The following DENND4B variants were observed in gnomAD, a reference collection of about 807,000 sequenced individuals.
The protein encoded by DENND4B is DENN domain containing 4B.
In DENND4B, 67 loss-of-function variants were observed where a neutral mutation model predicts 161.0. The observed-to-expected ratio is 0.42, with a 90% confidence interval of 0.34 to 0.51. The LOEUF is 0.51. DENND4B is among the 20% of genes least tolerant of loss of function. The probability of loss-of-function intolerance (pLI) is 0.08; values close to 1 mark genes in which losing one functional copy is unlikely to be tolerated. For missense variants in DENND4B, 1,481 were observed against 1,968.0 expected (o/e 0.75, Z 4.68); for synonymous variants, 753 against 813.8 (o/e 0.93, Z 1.27).
intron 13 of DENND4B, among the ~76,000 whole-genome samples, chr1:153,938,420 A>AC (rs1482995717): frequency 6.9e-6 from 1 of 144,218 alleles, no homozygotes; most frequent in Non-Finnish European, 1.5e-5. Context: ...AAAAAAAAAA[A>AC]AGCCAGGCGC....
intron 8 of DENND4B, 76 bp downstream of exon 8, chr1:153,941,155 C>G (rs2102059702): frequency 1.3e-6 from 2 of 1,587,830 alleles, no homozygotes; most frequent in East Asian, 4.6e-5. Flanking sequence ...TAAACCTCAA[C>G]AGCTGCACCC....
At chr1:153,945,249 T>TG (rs1679896419) in intron 1 of DENND4B, 3 of 1,096,446 alleles carry the variant, frequency 2.7e-6, no homozygotes, top group African/African-American at 1.6e-5. Context: ...CCCAGAAGCG[T>TG]GGGGGGTGCT....
chr1:153,944,366 C>T lies in DENND4B; in HGVS notation c.9G>A (p.Glu3=). The T allele has an allele frequency of 1.2e-6, 2 of 1,605,814 alleles. No homozygotes were observed. The highest frequency in any genetic ancestry group is 1.1e-5 in the South Asian group (1 of 90,022). The stretch of plus-strand genomic sequence containing the variant: ...AATCCACCAGCCGGGGGGGCCGCTC[C>T]TCCGCCATGGCCCCCCCCTCACTCA... MA[E]ERPPRLVDYF... is the part of the protein sequence containing the mutation. The change falls in exon 2 of 28, where the codon GAG becomes GAA. Residue 3 remains glutamate (E), a synonymous_variant. Transcript: ENST00000361217. The surrounding 1 kb of genome is among the most constrained non-coding windows in gnomAD (Gnocchi z 4.8).
In DENND4B at chr1:153,932,938, G is replaced by A; in HGVS notation, c.3546C>T (p.Asn1182=). The part of the protein sequence containing the change: ...IMAGWAPDDS[N]LNTTCPFCAC... Reference sequence around the variant, plus strand: ...CGCAGAAGGGGCAGGTTGTGTTGAGGTTAGAGTCATCAGGTGCCCAGCCAG... The same window carrying A: ...CGCAGAAGGGGCAGGTTGTGTTGAGATTAGAGTCATCAGGTGCCCAGCCAG... The change falls in exon 22 of 28, where the codon AAC becomes AAT. Residue 1182 remains asparagine, a synonymous_variant. Transcript: ENST00000361217. The surrounding 1 kb of genome is among the most constrained non-coding windows in gnomAD (Gnocchi z 5.8). The A allele has an allele frequency of 6.2e-7, 1 of 1,614,006 alleles. No individual in the cohort carries two copies. Among genetic ancestry groups the A allele is most frequent in the Non-Finnish European group, 8.5e-7 (1 of 1,179,892 alleles).
rs1679398787 is a variant in DENND4B at position 153,937,269 on chromosome 1, G to A, written c.2232+219C>T. Among the ~76,000 whole-genome samples the A allele has an allele frequency of 6.6e-6, 1 of 152,244 alleles. No homozygotes were observed. Among genetic ancestry groups the A allele is most frequent in the Non-Finnish European group, 1.5e-5 (1 of 68,042 alleles). Reference sequence around the variant, plus strand: ...GACATGGCCAGCCCCTGGATTCCCAGAGTGCTCAGAAGACGGAGGTGATGA... The same window carrying A: ...GACATGGCCAGCCCCTGGATTCCCAAAGTGCTCAGAAGACGGAGGTGATGA... On this transcript the variant is annotated intron_variant, in intron 15 of 27. Transcript: ENST00000361217. The surrounding 1 kb of genome is among the most constrained non-coding windows in gnomAD (Gnocchi z 4.7).
chr1:153,933,391 C>T lies in DENND4B; in HGVS notation c.3331-72G>A, dbSNP rs1679089899. ...ACCCAGGATATGTGTTTCAAGCACC[C>T]CTCAGAGCCCCCTTTTTGAGCATTC... On this transcript the variant is annotated intron_variant, in intron 20 of 27. Coordinates refer to ENST00000361217, the MANE Select transcript of DENND4B (RefSeq NM_014856.3). This position sits in a 1 kb window ranked among gnomAD's most constrained non-coding sequence, Gnocchi z 5.7. The T allele has an allele frequency of 6.2e-7, 1 of 1,608,220 alleles. No homozygotes were observed. Among genetic ancestry groups the T allele is most frequent in the African/African-American group, 1.3e-5 (1 of 74,736 alleles).
Position 153,930,225 on chromosome 1 carries a change from G to A in DENND4B, c.*72C>T. The stretch of plus-strand genomic sequence containing the variant: ...TTCCCAACTCCATGAAGGCAACAGG[G>A]AAGCAGTTTAACTCTAGAATCCCTT... On this transcript the variant is annotated 3_prime_UTR_variant, in exon 28 of 28. Coordinates refer to ENST00000361217, the MANE Select transcript of DENND4B (RefSeq NM_014856.3). This position sits in a 1 kb window ranked among gnomAD's most constrained non-coding sequence, Gnocchi z 4.7. The A allele has an allele frequency of 6.5e-7, 1 of 1,532,162 alleles. No homozygotes were observed. Among genetic ancestry groups the A allele is most frequent in the Non-Finnish European group, 8.8e-7 (1 of 1,134,642 alleles). 94.9% of individuals were successfully genotyped at this position (1,532,162 alleles called of 1,614,324 possible).
In DENND4B at chr1:153,930,445, A is replaced by G. The variant is rs1327176650; in HGVS notation, c.4346-3T>C. Reference sequence around the variant, plus strand: ...CTTGTACTTCTTATCGAAGGCCACTAGGGAAGAAGGTGGAAGTCAACATGT... The same window carrying G: ...CTTGTACTTCTTATCGAAGGCCACTGGGGAAGAAGGTGGAAGTCAACATGT... On this transcript the variant is annotated splice_region_variant and splice_polypyrimidine_tract_variant and intron_variant, in intron 27 of 27. Transcript: ENST00000361217. The surrounding 1 kb of genome is among the most constrained non-coding windows in gnomAD (Gnocchi z 4.7). 6.2e-7 allele frequency: 1 copy of G among 1,613,896 alleles called. No individual in the cohort carries two copies. Among genetic ancestry groups the G allele is most frequent in the East Asian group, 2.2e-5 (1 of 44,872 alleles).
Position 153,942,715 on chromosome 1 carries a change from T to C in DENND4B, c.571-90A>G, listed in dbSNP as rs1025424986. ...CTCTCTACCACCCCTAAATGTTCTT[T>C]TGTCTTTAAAGCTCCCATTAATCCC... On this transcript the variant is annotated intron_variant, in intron 3 of 27. Coordinates refer to ENST00000361217, the MANE Select transcript of DENND4B (RefSeq NM_014856.3). This position sits in a 1 kb window ranked among gnomAD's most constrained non-coding sequence, Gnocchi z 6.9. 1.8e-5 allele frequency: 27 copies of C among 1,482,066 alleles called. No homozygotes were observed. The highest frequency in any genetic ancestry group is 2.3e-5 in the Non-Finnish European group (26 of 1,114,040). The allele number at this position is 1,482,066 out of a possible 1,614,324, so 91.8% of individuals were successfully genotyped here. A position where few individuals can be genotyped will look rare whatever the true frequency, so the allele number is the denominator to read the frequency against.
At chr1:153,931,932 T>C (rs2102004152) in intron 24 of DENND4B, among the ~76,000 whole-genome samples, 1 of 151,770 alleles carries the variant, frequency 6.6e-6, no homozygotes, top group South Asian at 2.1e-4. Flanking sequence ...GCCTCCCGAG[T>C]AGCTGGGATT....
chr1:153,941,935 A>T lies in DENND4B; in HGVS notation c.989T>A (p.Phe330Tyr). Residue 330 changes from phenylalanine (F) to tyrosine (Y), a missense_variant, in exon 6 of 28, where the codon TTC (phenylalanine) becomes TAC (tyrosine). By Grantham distance (22) the Phe-to-Tyr change is conservative. Transcript: ENST00000361217. The part of the protein sequence containing the change: ...VLSRWPAFPA[F>Y]RAFLTFLYRY... ...GTAAAGGAAGGTGAGGAAGGCGCGGAAGGCAGGGAAGGCAGGCCAGCGGGA... is the reference window on the plus strand; with the variant it reads ...GTAAAGGAAGGTGAGGAAGGCGCGGTAGGCAGGGAAGGCAGGCCAGCGGGA... The T allele has an allele frequency of 6.2e-7, 1 of 1,612,348 alleles. No homozygotes were observed. The highest frequency in any genetic ancestry group is 8.5e-7 in the Non-Finnish European group (1 of 1,179,858).
chr1:153,936,461 C>T lies in DENND4B; in HGVS notation c.2439+81G>A. On this transcript the variant is annotated intron_variant, in intron 16 of 27. Transcript: ENST00000361217. The surrounding 1 kb of genome is among the most constrained non-coding windows in gnomAD (Gnocchi z 4.1). ...TGCAACTTCTTTCCTTAGTCTCCAC[C>T]AAGTTTCCCTCTCACAGCCCTCTCC... 2 of 1,422,942 alleles carry T rather than the reference C, an allele frequency of 1.4e-6. No homozygotes were observed. Among genetic ancestry groups the T allele is most frequent in the Non-Finnish European group, 1.9e-6 (2 of 1,065,094 alleles). The allele number at this position is 1,422,942 out of a possible 1,614,324, so 88.1% of individuals were successfully genotyped here. A position where few individuals can be genotyped will look rare whatever the true frequency, so the allele number is the denominator to read the frequency against.
chr1:153,943,907 G>A (rs1438910675), intron 2 of DENND4B, 151 bp downstream of exon 2: 3 of 833,136 alleles, frequency 3.6e-6, no homozygotes, highest in African/African-American at 3.5e-5. Context: ...TAAGGACTAA[G>A]TACATACAAC....
rs755821699 is a variant in DENND4B at position 153,930,518 on chromosome 1, G to A, written c.4345+21C>T. On this transcript the variant is annotated intron_variant, in intron 27 of 27. Coordinates refer to ENST00000361217, the MANE Select transcript of DENND4B (RefSeq NM_014856.3). The surrounding 1 kb of genome is among the most constrained non-coding windows in gnomAD (Gnocchi z 4.7). Reference sequence around the variant, plus strand: ...TGGCCCCAGATCCCTAAACTCCTCAGCCCCTTGCCTGCAATCTCACCTATG... The same window carrying A: ...TGGCCCCAGATCCCTAAACTCCTCAACCCCTTGCCTGCAATCTCACCTATG... The A allele has an allele frequency of 1.2e-6, 2 of 1,614,010 alleles. No individual in the cohort carries two copies. Among genetic ancestry groups the A allele is most frequent in the Admixed American group, 3.3e-5 (2 of 60,022 alleles).
At chr1:153,945,287 A>C (rs1328185634) in intron 1 of DENND4B, 7 of 692,908 alleles carry the variant, frequency 1.0e-5, no homozygotes, top group Admixed American at 6.0e-5. Context: ...TTACTTCCTG[A>C]AACAGTGGAG....
Position 153,930,672 on chromosome 1 carries a change from C to T in DENND4B, c.4280+20G>A. ...GGAGCCCCGGACAGACCAGGGATCACCCAGATGGTAGCACCATACCTCTGC... is the reference window on the plus strand; with the variant it reads ...GGAGCCCCGGACAGACCAGGGATCATCCAGATGGTAGCACCATACCTCTGC... On this transcript the variant is annotated intron_variant, in intron 26 of 27. Coordinates refer to ENST00000361217, the MANE Select transcript of DENND4B (RefSeq NM_014856.3). The surrounding 1 kb of genome is among the most constrained non-coding windows in gnomAD (Gnocchi z 4.7). 1.9e-6 allele frequency: 3 copies of T among 1,613,288 alleles called. No individual in the cohort carries two copies. The highest frequency in any genetic ancestry group is 2.5e-6 in the Non-Finnish European group (3 of 1,179,498).
intron 6 of DENND4B, 90 bp downstream of exon 6, chr1:153,941,779 T>TGCC: frequency 6.5e-6 from 3 of 464,516 alleles, no homozygotes; most frequent in Non-Finnish European, 1.2e-5. Context: ...TGCCCAGCCC[T>TGCC]CCCCCCACCC....
intron 12 of DENND4B, 101 bp downstream of exon 12, chr1:153,939,488 C>T (rs939356442): frequency 7.6e-7 from 1 of 1,320,638 alleles, no homozygotes; most frequent in Admixed American, 2.2e-5. Context: ...AAGGAATAAA[C>T]AATGGAGTGG....
intron 13 of DENND4B, 114 bp downstream of exon 13, chr1:153,938,786 G>T (rs1485942673): frequency 2.4e-6 from 2 of 821,080 alleles, no homozygotes; most frequent in Non-Finnish European, 3.7e-6. Context: ...TGGCCCTGGG[G>T]TCTACAGCCA....
Sources: gnomAD v4.1 joint callset for allele counts (sites outside exome capture counted in the v4.1 genomes callset) on GRCh38, gnomAD v4.1.1 for gene constraint, Gnocchi (gnomAD v3.1) non-coding constraint, MANE v1.5 for transcripts, NCBI Gene and HGNC (gene_info 2026-07-23, HGNC 2026-07-21) for gene names.